The following THSD4 variants were observed in gnomAD, a reference collection of about 807,000 sequenced individuals.
The protein encoded by THSD4 is thrombospondin type-1 domain-containing protein 4.
Under a neutral mutation model 119.0 loss-of-function variants are expected in THSD4, and 69 were observed. The observed-to-expected ratio is 0.58, with a 90% confidence interval of 0.48 to 0.71. THSD4 has a LOEUF of 0.71. Ranked by LOEUF, THSD4 falls within the 30% of genes least tolerant of loss-of-function variation. The probability of loss-of-function intolerance (pLI) is 0.00; values close to 1 mark genes in which losing one functional copy is unlikely to be tolerated. For synonymous variants in THSD4, 524 were observed against 540.4 expected (o/e 0.97, Z 0.42); for missense variants, 1,393 against 1,391.1 (o/e 1.00, Z -0.02).
chr15:71,542,876 C>CA (rs59058386), intron 7 of THSD4, among the ~76,000 whole-genome samples: 56,607 of 137,466 alleles, frequency 0.41, 11,110 homozygotes, highest in Non-Finnish European at 0.44. Context: ...GACTCTGTCT[C>CA]AAAAAAAAAA....
chr15:71,765,459 C>A (rs755617170), intron 16 of THSD4, among the ~76,000 whole-genome samples: 6 of 152,218 alleles, frequency 3.9e-5, no homozygotes, highest in Non-Finnish European at 7.3e-5. Flanking sequence ...ATCTGAGGAT[C>A]TTGTTTGACA....
intron 7 of THSD4, among the ~76,000 whole-genome samples, chr15:71,492,163 T>C (rs2047929589): frequency 6.6e-6 from 1 of 152,212 alleles, no homozygotes; most frequent in Non-Finnish European, 1.5e-5. Flanking sequence ...TGACATTTTC[T>C]TTTCTCAAAA....
At chr15:71,109,426 G>A (rs971909619) in intron 1 of THSD4, among the ~76,000 whole-genome samples, 12 of 152,102 alleles carry the variant, frequency 7.9e-5, no homozygotes, top group Non-Finnish European at 1.5e-4. Flanking sequence ...GATCCAAAAC[G>A]AGCCACATAA....
chr15:71,581,218 C>A (rs901958045), intron 7 of THSD4, among the ~76,000 whole-genome samples: 1 of 152,146 alleles, frequency 6.6e-6, no homozygotes, highest in Non-Finnish European at 1.5e-5. Context: ...TTCTCACCAA[C>A]ACTTAATCTT....
intron 3 of THSD4, among the ~76,000 whole-genome samples, chr15:71,200,649 C>G (rs2043795808): frequency 6.6e-6 from 1 of 152,078 alleles, no homozygotes. Flanking sequence ...TTGCAGTAAC[C>G]AAATAGTTTT....
intron 6 of THSD4, among the ~76,000 whole-genome samples, chr15:71,274,055 T>C (rs1317271214): frequency 6.6e-6 from 1 of 152,144 alleles, no homozygotes; most frequent in African/African-American, 2.4e-5. Context: ...TGGCTTAGCT[T>C]AGGCCACATC....
At chr15:71,200,172 T>C (rs1596265622) in intron 3 of THSD4, among the ~76,000 whole-genome samples, 1 of 152,120 alleles carries the variant, frequency 6.6e-6, no homozygotes, top group Admixed American at 6.5e-5. Context: ...GTGACTCTTC[T>C]TTTAGCCAGA....
At chr15:71,618,499 G>A (rs2050361456) in intron 7 of THSD4, among the ~76,000 whole-genome samples, 1 of 152,166 alleles carries the variant, frequency 6.6e-6, no homozygotes, top group East Asian at 1.9e-4. Flanking sequence ...TATAAAAGCA[G>A]GGATATACCC....
Position 71,504,440 on chromosome 15 carries a change from A to G in THSD4, c.1152+92617A>G, listed in dbSNP as rs77654262. Among the ~76,000 whole-genome samples, 168 of 152,360 alleles carry G rather than the reference A, an allele frequency of 1.1e-3. 2 individuals carry two copies. The East Asian group carries it at 0.026, about 24-fold the overall frequency. On this transcript the variant is annotated intron_variant, in intron 7 of 17. Coordinates refer to ENST00000261862, the MANE Select transcript of THSD4 (RefSeq NM_024817.3). ...TTATGAAGTCAGGTGACCTTAGAAG[A>G]AACCATTTCAGAAGCGTAAAGACTA...
chr15:71,274,051 A>G (rs2044562772), intron 6 of THSD4, among the ~76,000 whole-genome samples: 1 of 152,218 alleles, frequency 6.6e-6, no homozygotes, highest in Non-Finnish European at 1.5e-5. Context: ...GGATTGGCTT[A>G]GCTTAGGCCA....
chr15:71,212,540 C>A (rs773694700), intron 3 of THSD4, among the ~76,000 whole-genome samples: 1 of 152,152 alleles, frequency 6.6e-6, no homozygotes, highest in Non-Finnish European at 1.5e-5. Context: ...CTGAAATCTC[C>A]AAATGTGCCA....
At chr15:71,514,300 G>A (rs1011894228) in intron 7 of THSD4, among the ~76,000 whole-genome samples, 2 of 152,204 alleles carry the variant, frequency 1.3e-5, no homozygotes, top group East Asian at 3.8e-4. Context: ...ATGGAAAGAG[G>A]CCCTTCCATC....
intron 6 of THSD4, among the ~76,000 whole-genome samples, chr15:71,332,668 A>G (rs1400004440): frequency 1.3e-5 from 2 of 152,100 alleles, no homozygotes; most frequent in African/African-American, 2.4e-5. Context: ...GGCTTAAGAT[A>G]GGGACCATTC....
At chr15:71,314,158 T>G (rs2045153468) in intron 6 of THSD4, among the ~76,000 whole-genome samples, 1 of 152,182 alleles carries the variant, frequency 6.6e-6, no homozygotes, top group South Asian at 2.1e-4. Flanking sequence ...TTTAAAGGTT[T>G]AATAGTTACA....
intron 7 of THSD4, among the ~76,000 whole-genome samples, chr15:71,601,381 A>G (rs2050008620): frequency 6.6e-6 from 1 of 152,162 alleles, no homozygotes; most frequent in African/African-American, 2.4e-5. Context: ...CTACTCTCAC[A>G]CCACTCCAGG....
chr15:71,539,823 T>C (rs552015040), intron 7 of THSD4, among the ~76,000 whole-genome samples: 2 of 152,214 alleles, frequency 1.3e-5, no homozygotes, highest in Non-Finnish European at 2.9e-5. Flanking sequence ...TGAATCAGGC[T>C]ATCTGTGTGC....
chr15:71,715,933 G>T (rs568073699), intron 8 of THSD4, among the ~76,000 whole-genome samples: 198 of 152,244 alleles, frequency 1.3e-3, no homozygotes, highest in African/African-American at 4.3e-3. Context: ...AGATAATAGG[G>T]ATGTGTATTA....
chr15:71,332,891 C>CTT lies in THSD4; in HGVS notation c.1015+76176_1015+76177insTT, dbSNP rs1184457820. Among the ~76,000 whole-genome samples the CTT allele has an allele frequency of 3.3e-3, 127 of 38,048 alleles. 3 individuals carry two copies. The highest frequency in any genetic ancestry group is 0.024 in the Admixed American group (54 of 2,286). The allele number at this position is 38,048 out of a possible 152,430, so 25.0% of individuals were successfully genotyped here. ...TTCTTAAAACATTGAGATTTTTTTA[C>CTT]ATTTTTTTTTTTTTTTTAGTTCATC... On this transcript the variant is annotated intron_variant, in intron 6 of 17. Transcript: ENST00000261862.
intron 7 of THSD4, among the ~76,000 whole-genome samples, chr15:71,449,664 C>T (rs189423716): frequency 2.0e-5 from 3 of 152,196 alleles, no homozygotes; most frequent in African/African-American, 4.8e-5. Context: ...TGTCCCCATC[C>T]TGTGTAGACA....
Sources: gnomAD v4.1 joint callset for allele counts (sites outside exome capture counted in the v4.1 genomes callset) on GRCh38, gnomAD v4.1.1 for gene constraint, MANE v1.5 for transcripts, NCBI Gene and HGNC (gene_info 2026-07-23, HGNC 2026-07-21) for gene names.